NXPH1: variants seen among roughly 807,000 people sequenced by gnomAD.
NXPH1 encodes neurexophilin-1.
In NXPH1, 5 loss-of-function variants were observed where a neutral mutation model predicts 23.7. That is an observed-to-expected ratio of 0.21 (90% confidence interval 0.11 to 0.44). NXPH1 has a LOEUF of 0.44. Ranked by LOEUF, NXPH1 falls within the 20% of genes least tolerant of loss-of-function variation. The probability of loss-of-function intolerance (pLI) is 0.99; values close to 1 mark genes in which losing one functional copy is unlikely to be tolerated. For missense variants in NXPH1, 324 were observed against 321.6 expected (o/e 1.01, Z -0.06); for synonymous variants, 144 against 122.2 (o/e 1.18, Z -1.18).
intron 2 of NXPH1, among the ~76,000 whole-genome samples, chr7:8,574,394 C>T (rs140817071): frequency 9.4e-4 from 143 of 152,098 alleles, no homozygotes; most frequent in African/African-American, 3.0e-3. Flanking sequence ...GACTCTGACT[C>T]GAACTGACTT....
chr7:8,698,891 T>C (rs2115188390), intron 2 of NXPH1, among the ~76,000 whole-genome samples: 1 of 152,304 alleles, frequency 6.6e-6, no homozygotes, highest in East Asian at 1.9e-4. Context: ...AAGCCCATAT[T>C]CATTACCATT....
intron 2 of NXPH1, among the ~76,000 whole-genome samples, chr7:8,718,744 A>G (rs118191953): frequency 2.0e-5 from 3 of 152,294 alleles, no homozygotes; most frequent in Non-Finnish European, 2.9e-5. Context: ...AGGGGGAAAA[A>G]CCACTTATAT....
chr7:8,441,510 G>C (rs1048521353), intron 2 of NXPH1, among the ~76,000 whole-genome samples: 9 of 152,092 alleles, frequency 5.9e-5, no homozygotes, highest in African/African-American at 1.7e-4. Flanking sequence ...AGGATAAAAA[G>C]GTTCCGTTGT....
At chr7:8,665,695 T>C (rs2158426) in intron 2 of NXPH1, among the ~76,000 whole-genome samples, 106,164 of 151,746 alleles carry the variant, frequency 0.7, 37,830 homozygotes, top group East Asian at 1. Context: ...ATTTCATCAA[T>C]ACTTTATAGT....
chr7:8,751,788 G>C lies in NXPH1; in HGVS notation c.*19G>C. 2.5e-6 allele frequency: 4 copies of C among 1,589,998 alleles called. No homozygotes were observed. The highest frequency in any genetic ancestry group is 2.6e-6 in the Non-Finnish European group (3 of 1,169,522). ...GGGATGAAGGTGAACATGGGGGTGAGACTGAAGCCTGAGGAATTAAAGGTC... is the reference window on the plus strand; with the variant it reads ...GGGATGAAGGTGAACATGGGGGTGACACTGAAGCCTGAGGAATTAAAGGTC... On this transcript the variant is annotated 3_prime_UTR_variant, in exon 3 of 3. Coordinates refer to ENST00000405863, the MANE Select transcript of NXPH1 (RefSeq NM_152745.3). This position sits in a 1 kb window ranked among gnomAD's most constrained non-coding sequence, Gnocchi z 4.5.
intron 2 of NXPH1, among the ~76,000 whole-genome samples, chr7:8,745,081 G>C (rs1780444477): frequency 6.6e-6 from 1 of 152,196 alleles, no homozygotes; most frequent in South Asian, 2.1e-4. Flanking sequence ...TGCCTTAGCA[G>C]CACCTTTACG....
intron 2 of NXPH1, among the ~76,000 whole-genome samples, chr7:8,571,865 T>C (rs1818656322): frequency 6.8e-6 from 1 of 147,356 alleles, no homozygotes; most frequent in East Asian, 2.0e-4. Context: ...CTTGGCATCA[T>C]TGTTGGTGGA....
chr7:8,695,033 G>C (rs1821284045), intron 2 of NXPH1, among the ~76,000 whole-genome samples: 1 of 152,146 alleles, frequency 6.6e-6, no homozygotes, highest in Non-Finnish European at 1.5e-5. Flanking sequence ...TGGATGTCTG[G>C]CAGAACTAGG....
At chr7:8,473,513 T>C (rs191560837) in intron 2 of NXPH1, among the ~76,000 whole-genome samples, 2 of 152,282 alleles carry the variant, frequency 1.3e-5, no homozygotes. Flanking sequence ...CCTACTTAAA[T>C]AATTGCTCTC....
chr7:8,718,820 A>G (rs1779918861), intron 2 of NXPH1, among the ~76,000 whole-genome samples: 1 of 152,176 alleles, frequency 6.6e-6, no homozygotes, highest in Non-Finnish European at 1.5e-5. Flanking sequence ...GTCCTTTTAT[A>G]TTTTATAACA....
intron 2 of NXPH1, among the ~76,000 whole-genome samples, chr7:8,485,662 G>T (rs1040987010): frequency 3.0e-4 from 46 of 152,052 alleles, no homozygotes; most frequent in African/African-American, 1.1e-3. Context: ...CGGGGAGGGG[G>T]CTCAAAAGAC....
chr7:8,709,635 G>A (rs566049746), intron 2 of NXPH1, among the ~76,000 whole-genome samples: 18 of 152,192 alleles, frequency 1.2e-4, no homozygotes, highest in African/African-American at 4.3e-4. Context: ...TTAAACAAGG[G>A]TGGAAAACCC....
intron 2 of NXPH1, among the ~76,000 whole-genome samples, chr7:8,675,084 C>T (rs1583225445): frequency 6.6e-6 from 1 of 152,090 alleles, no homozygotes; most frequent in Non-Finnish European, 1.5e-5. Flanking sequence ...CTAAATCCTT[C>T]TGGTCTTGTG....
At position 8,693,566 on chromosome 7, in the gene NXPH1, A is replaced by G. The variant is rs551252645; in HGVS notation, c.55-57442A>G. On this transcript the variant is annotated intron_variant, in intron 2 of 2. Coordinates refer to ENST00000405863, the MANE Select transcript of NXPH1 (RefSeq NM_152745.3). Reference sequence around the variant, plus strand: ...TCCTCATCTCTAAGGCAGGACTAATATCTATGTCACAAGATTGTTGTCTAA... The same window carrying G: ...TCCTCATCTCTAAGGCAGGACTAATGTCTATGTCACAAGATTGTTGTCTAA... 3.3e-5 allele frequency among the ~76,000 whole-genome samples: 5 copies of G among 152,350 alleles called. No homozygotes were observed. The East Asian group carries it at 9.6e-4, about 29-fold the overall frequency.
chr7:8,540,793 C>T (rs540730944), intron 2 of NXPH1, among the ~76,000 whole-genome samples: 1 of 151,624 alleles, frequency 6.6e-6, no homozygotes, highest in Non-Finnish European at 1.5e-5. Context: ...TGCTGGTTTC[C>T]TCCAGTCAGA....
chr7:8,547,925 T>C (rs1818221062), intron 2 of NXPH1, among the ~76,000 whole-genome samples: 1 of 151,546 alleles, frequency 6.6e-6, no homozygotes, highest in Non-Finnish European at 1.5e-5. Flanking sequence ...GACTTTGCTA[T>C]CGCGAATAGT....
At chr7:8,737,690 T>G (rs1407697954) in intron 2 of NXPH1, among the ~76,000 whole-genome samples, 1 of 152,190 alleles carries the variant, frequency 6.6e-6, no homozygotes, top group East Asian at 1.9e-4. Flanking sequence ...TCTTGCTAGA[T>G]TGGGGAAGTT....
chr7:8,723,142 A>C (rs571814618), intron 2 of NXPH1, among the ~76,000 whole-genome samples: 66 of 152,194 alleles, frequency 4.3e-4, no homozygotes, highest in Non-Finnish European at 7.8e-4. Context: ...ACCCCACTGC[A>C]TTTCCCAAGC....
At position 8,495,731 on chromosome 7, in the gene NXPH1, A is replaced by G. The variant is rs17149762; in HGVS notation, c.54+59964A>G. Among the ~76,000 whole-genome samples, 371 of 152,172 alleles carry G rather than the reference A, an allele frequency of 2.4e-3. 10 individuals are homozygous for G. The East Asian group carries it at 0.062, about 26-fold the overall frequency. On this transcript the variant is annotated intron_variant, in intron 2 of 2. Transcript: ENST00000405863. ...CTCAAGCTTTGTGAATGAGATTTCT[A>G]TAGGACCACTCAGAGAATCTGAAAT... is the stretch of plus-strand genomic sequence containing the variant.
Sources: gnomAD v4.1 joint callset for allele counts (sites outside exome capture counted in the v4.1 genomes callset) on GRCh38, gnomAD v4.1.1 for gene constraint, Gnocchi (gnomAD v3.1) non-coding constraint, MANE v1.5 for transcripts, NCBI Gene and HGNC (gene_info 2026-07-23, HGNC 2026-07-21) for gene names.